SPOP: variants seen among roughly 807,000 people sequenced by gnomAD.
SPOP encodes the protein speckle type BTB/POZ protein.
Under a neutral mutation model 45.6 loss-of-function variants are expected in SPOP, and 11 were observed. The observed-to-expected ratio is 0.24, with a 90% CI of 0.15 to 0.40. The LOEUF (loss-of-function observed/expected upper bound fraction) is 0.40, where lower values mean the gene tolerates loss of function less well. Ranked by LOEUF, SPOP falls within the 10% of genes least tolerant of loss-of-function variation. The pLI is 1.00. For synonymous variants in SPOP, 166 were observed against 166.3 expected, an observed-to-expected ratio of 1.00 and a Z score of 0.01; for missense variants, 152 against 465.6, an observed-to-expected ratio of 0.33 and a Z score of 6.20.
chr17:49,664,477 T>A (rs905732921), intron 1 of SPOP, among the ~76,000 whole-genome samples: 3 of 152,198 alleles, frequency 2.0e-5, no homozygotes, highest in African/African-American at 7.2e-5. Flanking sequence ...TTTATAGTAA[T>A]AAATATTTTT....
At chr17:49,616,664 T>C (rs1451265282) in intron 5 of SPOP, among the ~76,000 whole-genome samples, 1 of 152,174 alleles carries the variant, frequency 6.6e-6, no homozygotes, top group Non-Finnish European at 1.5e-5. Flanking sequence ...CTTGCAACGC[T>C]GAATGCTACT....
In SPOP at chr17:49,625,776, A is replaced by G. The variant is rs531351961; in HGVS notation, c.-66-2900T>C. 4.6e-5 allele frequency among the ~76,000 whole-genome samples: 7 copies of G among 152,362 alleles called. No homozygotes were observed. The East Asian group carries it at 1.2e-3, about 25-fold the overall frequency. On this transcript the variant is annotated intron_variant, in intron 1 of 9. Coordinates refer to ENST00000504102, the MANE Select transcript of SPOP (RefSeq NM_001007228.2). ...TACGATACAGTAAAAGTAAAAAACAACAACAACAACAAAAAACAGCCTTGA... is the reference window on the plus strand; with the variant it reads ...TACGATACAGTAAAAGTAAAAAACAGCAACAACAACAAAAAACAGCCTTGA...
intron 1 of SPOP, among the ~76,000 whole-genome samples, chr17:49,624,347 A>G (rs1036601783): frequency 2.6e-5 from 4 of 151,896 alleles, no homozygotes; most frequent in East Asian, 1.9e-4. Flanking sequence ...ACACACACAC[A>G]CACACACACA....
chr17:49,654,070 C>T (rs1374289523), intron 1 of SPOP, among the ~76,000 whole-genome samples: 1 of 152,158 alleles, frequency 6.6e-6, no homozygotes, highest in African/African-American at 2.4e-5. Context: ...TACATATAAT[C>T]TGGCCTCTTT....
intron 1 of SPOP, among the ~76,000 whole-genome samples, chr17:49,644,027 T>TA (rs1173789877): frequency 6.6e-6 from 1 of 151,344 alleles, no homozygotes; most frequent in African/African-American, 2.4e-5. Flanking sequence ...TGAAATTTAT[T>TA]AAAAAACAGT....
chr17:49,676,200 G>A (rs1390306870), intron 1 of SPOP, among the ~76,000 whole-genome samples: 2 of 151,420 alleles, frequency 1.3e-5, no homozygotes, highest in East Asian at 1.9e-4. Context: ...GCTCTAAAAC[G>A]AGAAATCAAT....
intron 1 of SPOP, among the ~76,000 whole-genome samples, chr17:49,673,964 T>C (rs2073168947): frequency 1.3e-5 from 2 of 151,564 alleles, no homozygotes; most frequent in South Asian, 4.2e-4. Context: ...CTAACCAACA[T>C]GGAGAAATCC....
chr17:49,634,796 A>G (rs963666939), intron 1 of SPOP, among the ~76,000 whole-genome samples: 1 of 152,250 alleles, frequency 6.6e-6, no homozygotes, highest in Non-Finnish European at 1.5e-5. Context: ...AAGGGACCCA[A>G]GGAATGAATT....
Position 49,611,334 on chromosome 17 carries a change from A to T in SPOP, c.604T>A (p.Cys202Ser). The T allele has an allele frequency of 6.2e-7, 1 of 1,614,204 alleles. No homozygotes were observed. Among genetic ancestry groups the T allele is most frequent in the Non-Finnish European group, 8.5e-7 (1 of 1,180,022 alleles). The change falls in exon 6 of 10, where the codon TGC becomes AGC. Residue 202 changes from cysteine (C) to serine (S), a missense_variant. Physicochemically the swap from Cys to Ser is moderately radical, Grantham distance 112. Transcript: ENST00000504102. ...TCCTGGCCGGCAACACACAAGCAGC[A>T]GTCTGTGAACCGGGAATTCTCCCAC... ...GLWENSRFTD[C>S]CLCVAGQEFQ...
chr17:49,599,184 T>C lies in SPOP; in HGVS notation c.*1194A>G. 1 of 219,228 alleles carries C rather than the reference T, an allele frequency of 4.6e-6. No homozygotes were observed. The highest frequency in any genetic ancestry group is 9.2e-6 in the Non-Finnish European group (1 of 109,110). 13.6% of individuals were successfully genotyped at this position (219,228 alleles called of 1,614,324 possible). ...CATTAGGCATTTCAGACATAATCTC[T>C]GCAAGCTGAAAACTAGGACTTCAAA... is the stretch of plus-strand genomic sequence containing the variant. On this transcript the variant is annotated 3_prime_UTR_variant, in exon 10 of 10. Coordinates refer to ENST00000504102, the MANE Select transcript of SPOP (RefSeq NM_001007228.2).
chr17:49,626,686 G>GA (rs201390729), intron 1 of SPOP, among the ~76,000 whole-genome samples: 15 of 142,330 alleles, frequency 1.1e-4, no homozygotes, highest in African/African-American at 1.5e-4. Context: ...GGAGACAGAG[G>GA]AAAAAAAAAA....
chr17:49,625,160 C>T (rs536741687), intron 1 of SPOP, among the ~76,000 whole-genome samples: 1 of 152,196 alleles, frequency 6.6e-6, no homozygotes, highest in South Asian at 2.1e-4. Flanking sequence ...CCTAGAGAAA[C>T]GCTAAACGTG....
At chr17:49,618,806 T>A (rs554931427) in intron 5 of SPOP, among the ~76,000 whole-genome samples, 175 bp downstream of exon 5, 16 of 152,334 alleles carry the variant, frequency 1.1e-4, no homozygotes, top group African/African-American at 3.6e-4. Flanking sequence ...AAAGCTGAGA[T>A]GCCCAACAAC....
chr17:49,629,034 G>T (rs1326901559), intron 1 of SPOP, among the ~76,000 whole-genome samples: 1 of 152,110 alleles, frequency 6.6e-6, no homozygotes, highest in Non-Finnish European at 1.5e-5. Context: ...ATGAGGTCAG[G>T]AATTCAAGAC....
At chr17:49,638,724 C>T (rs1270160620) in intron 1 of SPOP, among the ~76,000 whole-genome samples, 3 of 152,162 alleles carry the variant, frequency 2.0e-5, no homozygotes, top group Non-Finnish European at 2.9e-5. Flanking sequence ...TGAGCCATCA[C>T]CAAAAACTGT....
chr17:49,623,674 TAC>T (rs1221640636), intron 1 of SPOP, among the ~76,000 whole-genome samples: 1 of 152,214 alleles, frequency 6.6e-6, no homozygotes, highest in Non-Finnish European at 1.5e-5. Flanking sequence ...GGAATATTTT[TAC>T]ACCTTTCTTA....
At chr17:49,614,105 A>C (rs2072032282) in intron 5 of SPOP, among the ~76,000 whole-genome samples, 2 of 152,222 alleles carry the variant, frequency 1.3e-5, no homozygotes, top group African/African-American at 4.8e-5. Flanking sequence ...ATTCTTGTAC[A>C]TTTCATCTAT....
chr17:49,601,415 G>A (rs2071738000), intron 9 of SPOP: 1 of 153,390 alleles, frequency 6.5e-6, no homozygotes, highest in Admixed American at 6.4e-5. Context: ...TGAAGGAACA[G>A]ACCTAGTGGA....
intron 1 of SPOP, among the ~76,000 whole-genome samples, chr17:49,625,539 C>T (rs1254337044): frequency 6.6e-6 from 1 of 151,962 alleles, no homozygotes; most frequent in African/African-American, 2.4e-5. Flanking sequence ...ACCTGGGAGG[C>T]GGAGGTTGTG....
Sources: allele counts gnomAD v4.1 joint callset (sites outside exome capture counted in the v4.1 genomes callset), GRCh38; gene constraint gnomAD v4.1.1; transcripts MANE v1.5; gene names NCBI Gene and HGNC (gene_info 2026-07-23, HGNC 2026-07-21).